The following PRKCB variants were observed in gnomAD, a reference collection of about 807,000 sequenced individuals.
PRKCB encodes protein kinase C beta type.
Under a neutral mutation model 81.5 loss-of-function variants are expected in PRKCB, and 13 were observed. The ratio of observed to expected loss-of-function variants is 0.16; its 90% confidence interval spans 0.10 to 0.25. The LOEUF (loss-of-function observed/expected upper bound fraction) is 0.25, where lower values mean the gene tolerates loss of function less well. PRKCB is among the 10% of genes least tolerant of loss of function. The pLI is 1.00. For synonymous variants in PRKCB, 335 were observed against 321.4 expected (o/e 1.04, Z -0.45); for missense variants, 509 against 875.7 (o/e 0.58, Z 5.29).
chr16:24,219,680 A>T lies in PRKCB; in HGVS notation c.*4864A>T. ...AACACACACACACACACACACACAC[A>T]CACACACACACACACACACACACCA... On this transcript the variant is annotated 3_prime_UTR_variant, in exon 17 of 17. Coordinates refer to ENST00000643927, the MANE Select transcript of PRKCB (RefSeq NM_002738.7). 1.6e-6 allele frequency: 2 copies of T among 1,243,210 alleles called. No homozygotes were observed. The highest frequency in any genetic ancestry group is 4.3e-5 in the South Asian group (2 of 45,986). The allele number at this position is 1,243,210 out of a possible 1,614,324, so 77.0% of individuals were successfully genotyped here.
At chr16:24,129,554 T>C (rs2141934028) in intron 9 of PRKCB, among the ~76,000 whole-genome samples, 1 of 152,232 alleles carries the variant, frequency 6.6e-6, no homozygotes, top group Admixed American at 6.5e-5. Flanking sequence ...TATCCATCTG[T>C]CTATCTAATC....
At chr16:24,024,523 C>T (rs1458535160) in intron 3 of PRKCB, among the ~76,000 whole-genome samples, 1 of 152,186 alleles carries the variant, frequency 6.6e-6, no homozygotes, top group Non-Finnish European at 1.5e-5. Context: ...TGTTAATTTT[C>T]TTGATTTAAT....
chr16:23,873,822 G>A (rs970236506), intron 2 of PRKCB, among the ~76,000 whole-genome samples: 4 of 152,120 alleles, frequency 2.6e-5, no homozygotes, highest in African/African-American at 9.7e-5. Flanking sequence ...CTGCTTCTGG[G>A]TCCCACTCTT....
intron 2 of PRKCB, among the ~76,000 whole-genome samples, chr16:23,938,000 C>A (rs1964085756): frequency 6.6e-6 from 1 of 152,120 alleles, no homozygotes; most frequent in Non-Finnish European, 1.5e-5. Flanking sequence ...GGAGAAGAGT[C>A]TGAGGCAGTT....
At chr16:24,146,558 C>T (rs1349140075) in intron 9 of PRKCB, among the ~76,000 whole-genome samples, 5 of 152,176 alleles carry the variant, frequency 3.3e-5, no homozygotes, top group Admixed American at 6.5e-5. Context: ...AAAGTCCATG[C>T]CCTAACCATT....
At chr16:23,947,594 A>G (rs1964219664) in intron 2 of PRKCB, among the ~76,000 whole-genome samples, 2 of 152,188 alleles carry the variant, frequency 1.3e-5, no homozygotes, top group African/African-American at 4.8e-5. Context: ...CATAAGCAGT[A>G]CTTGCCTTTA....
intron 7 of PRKCB, chr16:24,098,642 C>T (rs1175971312): frequency 1.3e-5 from 2 of 152,124 alleles, no homozygotes; most frequent in Non-Finnish European, 2.9e-5. Context: ...CCCAGCTACT[C>T]GGGAGGCTGA....
chr16:23,964,596 G>T (rs897475951), intron 2 of PRKCB, among the ~76,000 whole-genome samples: 5 of 151,312 alleles, frequency 3.3e-5, no homozygotes, highest in Non-Finnish European at 5.9e-5. Context: ...GGTAAGTATT[G>T]TTATCCCTGT....
At chr16:23,940,982 C>T (rs1045593119) in intron 2 of PRKCB, among the ~76,000 whole-genome samples, 2 of 152,252 alleles carry the variant, frequency 1.3e-5, no homozygotes, top group South Asian at 4.1e-4. Context: ...AGGATGATAG[C>T]TGTTTTTCAA....
intron 9 of PRKCB, among the ~76,000 whole-genome samples, chr16:24,126,010 G>A (rs958394134): frequency 7.2e-5 from 11 of 152,206 alleles, no homozygotes; most frequent in Admixed American, 1.3e-4. Flanking sequence ...TGAACTAAGC[G>A]TGGGATTAGT....
chr16:24,088,539 T>C (rs1488377171), intron 5 of PRKCB, among the ~76,000 whole-genome samples: 1 of 151,742 alleles, frequency 6.6e-6, no homozygotes, highest in Non-Finnish European at 1.5e-5. Flanking sequence ...CCAGCCTGGG[T>C]AACATAGTGA....
At chr16:24,064,943 G>C (rs1241856588) in intron 5 of PRKCB, among the ~76,000 whole-genome samples, 1 of 148,666 alleles carries the variant, frequency 6.7e-6, no homozygotes, top group Non-Finnish European at 1.5e-5. Context: ...CATATATATA[G>C]ACCGAATATA....
intron 5 of PRKCB, among the ~76,000 whole-genome samples, chr16:24,054,811 A>T (rs1965884560): frequency 6.6e-6 from 1 of 152,182 alleles, no homozygotes; most frequent in Non-Finnish European, 1.5e-5. Context: ...AAACATTTGG[A>T]ATTTTCCCTC....
rs186511766 is a variant in PRKCB at position 24,083,079 on chromosome 16, G to T, written c.530-9712G>T. Among the ~76,000 whole-genome samples the T allele has an allele frequency of 8.5e-5, 13 of 152,186 alleles. No homozygotes were observed. In the East Asian group the frequency reaches 1.9e-3, roughly 23 times the overall value. Reference sequence around the variant, plus strand: ...AGGATGGCCAATACATTCATGGAAAGATATTCAATATCACTAGAAATTACA... The same window carrying T: ...AGGATGGCCAATACATTCATGGAAATATATTCAATATCACTAGAAATTACA... On this transcript the variant is annotated intron_variant, in intron 5 of 16. Transcript: ENST00000643927.
chr16:23,936,579 ATTTTTTT>A lies in PRKCB; in HGVS notation c.206-51910_206-51904del, dbSNP rs57643578. ...AGGTGTGCACCACCACACCCAACTA[ATTTTTTT>A]TTTTTTTTTTTTTTTTTTGCATTTT... is the stretch of plus-strand genomic sequence containing the variant. On this transcript the variant is annotated intron_variant, in intron 2 of 16. Transcript: ENST00000643927. Among the ~76,000 whole-genome samples, 10 of 96,034 alleles carry A rather than the reference ATTTTTTT, an allele frequency of 1.0e-4. No homozygotes were observed. In the South Asian group the frequency reaches 2.0e-3, roughly 19 times the overall value. The allele number at this position is 96,034 out of a possible 152,430, so 63.0% of individuals were successfully genotyped here. A position where few individuals can be genotyped will look rare whatever the true frequency, so the allele number is the denominator to read the frequency against.
intron 5 of PRKCB, among the ~76,000 whole-genome samples, chr16:24,071,341 C>T (rs866517114): frequency 3.4e-5 from 5 of 149,170 alleles, no homozygotes; most frequent in South Asian, 2.1e-4. Context: ...CGATGGCTGA[C>T]GTCTGTAATC....
chr16:24,180,133 C>T (rs546682308), intron 12 of PRKCB, among the ~76,000 whole-genome samples: 64 of 151,820 alleles, frequency 4.2e-4, no homozygotes, highest in South Asian at 1.5e-3. Context: ...TTACTAGAGA[C>T]GGGGTTTCAC....
At chr16:23,987,724 C>G (rs963899080) in intron 2 of PRKCB, among the ~76,000 whole-genome samples, 1 of 152,054 alleles carries the variant, frequency 6.6e-6, no homozygotes, top group Admixed American at 6.5e-5. Context: ...GCATGGCACC[C>G]GTCCTCCAGA....
intron 2 of PRKCB, among the ~76,000 whole-genome samples, chr16:23,882,440 G>C (rs1361437060): frequency 1.3e-5 from 2 of 152,208 alleles, no homozygotes; most frequent in East Asian, 3.9e-4. Flanking sequence ...GCCCAGGCTG[G>C]TCTCAAACTC....
Sources: allele counts gnomAD v4.1 joint callset (sites outside exome capture counted in the v4.1 genomes callset), GRCh38; gene constraint gnomAD v4.1.1; transcripts MANE v1.5; gene names NCBI Gene and HGNC (gene_info 2026-07-23, HGNC 2026-07-21).